The following DNAJC13 variants were observed in gnomAD, a reference collection of about 807,000 sequenced individuals.
The protein encoded by DNAJC13 is DnaJ heat shock protein family (Hsp40) member C13.
Under a neutral mutation model 290.5 loss-of-function variants are expected in DNAJC13, and 75 were observed. The observed-to-expected ratio is 0.26, with a 90% CI of 0.21 to 0.31. The LOEUF (loss-of-function observed/expected upper bound fraction) is 0.31, where lower values mean the gene tolerates loss of function less well. DNAJC13 is among the 10% of genes least tolerant of loss of function. The pLI, the probability that DNAJC13 is intolerant of heterozygous loss-of-function variation, is 1.00. For synonymous variants in DNAJC13, 862 were observed against 892.0 expected, an observed-to-expected ratio of 0.97 and a Z score of 0.60; for missense variants, 2,260 against 2,674.5, an observed-to-expected ratio of 0.85 and a Z score of 3.42.
chr3:132,486,657 A>G (rs1205805542), intron 29 of DNAJC13, among the ~76,000 whole-genome samples: 4 of 152,080 alleles, frequency 2.6e-5, no homozygotes, highest in East Asian at 1.9e-4. Flanking sequence ...AATTTTTTCT[A>G]TTCTGGGAGA....
intron 54 of DNAJC13, among the ~76,000 whole-genome samples, chr3:132,530,784 C>A (rs192186980): frequency 6.6e-6 from 1 of 152,188 alleles, no homozygotes; most frequent in South Asian, 2.1e-4. Flanking sequence ...TTCAGAGGGA[C>A]GACTGACTTG....
rs1230392967 is a variant in DNAJC13 at position 132,434,593 on chromosome 3, A to G, written c.43A>G (p.Thr15Ala). The G allele has an allele frequency of 4.3e-6, 7 of 1,610,830 alleles. No individual in the cohort carries two copies. Among genetic ancestry groups the G allele is most frequent in the Non-Finnish European group, 5.9e-6 (7 of 1,178,938 alleles). Reference sequence around the variant, plus strand: ...AAATAAGGATCTGGCATGTTTCTACACAACAAAACATTCATGGAGGGGGAA... The same window carrying G: ...AAATAAGGATCTGGCATGTTTCTACGCAACAAAACATTCATGGAGGGGGAA... ...RENKDLACFYTTKHSWRGKYK... is the reference protein window; with the variant it reads ...RENKDLACFYATKHSWRGKYK... The change falls in exon 2 of 56, where the codon ACA becomes GCA. Residue 15 changes from threonine to alanine, a missense_variant. Around this residue, in one of 3 missense-constraint regions of DNAJC13, gnomAD observed 762 missense variants for 964.1 expected, o/e 0.79. Coordinates refer to ENST00000260818, the MANE Select transcript of DNAJC13 (RefSeq NM_015268.4).
intron 54 of DNAJC13, among the ~76,000 whole-genome samples, chr3:132,529,255 C>G (rs1295554647): frequency 6.6e-6 from 1 of 152,276 alleles, no homozygotes; most frequent in Admixed American, 6.5e-5. Flanking sequence ...AAGCATCATC[C>G]ATGTTACCAA....
At chr3:132,493,844 T>TA (rs901136330) in intron 33 of DNAJC13, among the ~76,000 whole-genome samples, 47 of 151,140 alleles carry the variant, frequency 3.1e-4, no homozygotes, top group South Asian at 1.0e-3. Flanking sequence ...AGATAACATG[T>TA]AAAAAAAAAT....
Position 132,538,299 on chromosome 3 carries a change from A to C in DNAJC13, c.*17A>C. On this transcript the variant is annotated 3_prime_UTR_variant, in exon 56 of 56. Coordinates refer to ENST00000260818, the MANE Select transcript of DNAJC13 (RefSeq NM_015268.4). ...CAGACTTGAAATATTCACGAGAGAC[A>C]ATAAACGCTGAAAGGCCAGTGCCAA... 2 of 1,605,208 alleles carry C rather than the reference A, an allele frequency of 1.2e-6. No homozygotes were observed. The highest frequency in any genetic ancestry group is 1.7e-6 in the Non-Finnish European group (2 of 1,173,788).
chr3:132,511,375 G>A (rs1376470189), intron 44 of DNAJC13, 131 bp downstream of exon 44: 19 of 1,055,996 alleles, frequency 1.8e-5, no homozygotes, highest in Non-Finnish European at 2.4e-5. Flanking sequence ...AACATTACAG[G>A]GAATTGACCC....
At chr3:132,537,765 C>A (rs1188307064) in intron 55 of DNAJC13, among the ~76,000 whole-genome samples, 1 of 152,174 alleles carries the variant, frequency 6.6e-6, no homozygotes, top group African/African-American at 2.4e-5. Context: ...TGAGTGTTGA[C>A]AGAAGTGTTT....
rs1256629553 is a variant in DNAJC13, at chr3:132,512,996, C to G, written c.5294-12C>G. The G allele has an allele frequency of 6.2e-7, 1 of 1,606,024 alleles. No individual in the cohort carries two copies. On this transcript the variant is annotated splice_polypyrimidine_tract_variant and intron_variant, in intron 44 of 55. Coordinates refer to ENST00000260818, the MANE Select transcript of DNAJC13 (RefSeq NM_015268.4). Reference sequence around the variant, plus strand: ...TCTCCTGGAAGTAAACCATTTTATTCTTATTCTCTAGGTTCTGAGAGTGAA... The same window carrying G: ...TCTCCTGGAAGTAAACCATTTTATTGTTATTCTCTAGGTTCTGAGAGTGAA...
chr3:132,523,450 T>C (rs897541824), intron 50 of DNAJC13, 90 bp from the exon 51 acceptor site: 1 of 1,429,402 alleles, frequency 7.0e-7, no homozygotes, highest in East Asian at 2.3e-5. Context: ...TGTGGACTGG[T>C]TAACATTATA....
At chr3:132,439,552 A>C (rs1932981163) in intron 2 of DNAJC13, among the ~76,000 whole-genome samples, 1 of 152,144 alleles carries the variant, frequency 6.6e-6, no homozygotes, top group Non-Finnish European at 1.5e-5. Flanking sequence ...TCATCAGGCA[A>C]CCTGGGACTT....
At position 132,442,460 on chromosome 3, in the gene DNAJC13, T is replaced by C. The variant is rs76559990; in HGVS notation, c.69-4015T>C. ...AAAATATAAGCATCACCTTATCAAATCCAAAACTTGATTACATCCCCAGCT... is the reference window on the plus strand; with the variant it reads ...AAAATATAAGCATCACCTTATCAAACCCAAAACTTGATTACATCCCCAGCT... On this transcript the variant is annotated intron_variant, in intron 2 of 55. Transcript: ENST00000260818. Among the ~76,000 whole-genome samples the C allele has an allele frequency of 6.0e-3, 914 of 152,338 alleles. 8 individuals carry two copies. The highest frequency in any genetic ancestry group is 0.029 in the East Asian group (153 of 5,194).
chr3:132,436,047 G>A (rs898074440), intron 2 of DNAJC13, among the ~76,000 whole-genome samples: 2 of 152,140 alleles, frequency 1.3e-5, no homozygotes, highest in Middle Eastern at 3.4e-3. Context: ...ACAGCTTTAA[G>A]GCATAACTTA....
Position 132,482,249 on chromosome 3 carries a change from A to G in DNAJC13, c.2898A>G (p.Pro966=). The change falls in exon 27 of 56, where the codon CCA becomes CCG. Residue 966 remains proline, a synonymous_variant. Transcript: ENST00000260818. ...AGAGCAATGTAATTGAAGCTGCTCCAGATATGAAAAGAGAGAGTGAAAAGG... is the reference window on the plus strand; with the variant it reads ...AGAGCAATGTAATTGAAGCTGCTCCGGATATGAAAAGAGAGAGTGAAAAGG... ...PLQSNVIEAA[P]DMKRESEKEW... The G allele has an allele frequency of 6.2e-7, 1 of 1,613,580 alleles. No individual in the cohort carries two copies. Among genetic ancestry groups the G allele is most frequent in the Non-Finnish European group, 8.5e-7 (1 of 1,179,688 alleles).
chr3:132,499,289 C>T lies in DNAJC13; in HGVS notation c.4320C>T (p.Leu1440=). The T allele has an allele frequency of 6.2e-7, 1 of 1,609,226 alleles. No individual in the cohort carries two copies. The highest frequency in any genetic ancestry group is 8.5e-7 in the Non-Finnish European group (1 of 1,176,880). Residue 1440 remains leucine, a synonymous_variant, in exon 37 of 56, where the codon CTC becomes CTT. Coordinates refer to ENST00000260818, the MANE Select transcript of DNAJC13 (RefSeq NM_015268.4). ...GTTCAGCCCTCAATGCTGAAGAGCT[C>T]AGAAGAGAGAATGGACTAGAGGTAA... ...VNCSALNAEE[L]RRENGLEVLQ...
intron 44 of DNAJC13, among the ~76,000 whole-genome samples, chr3:132,511,474 C>T (rs1228160142): frequency 6.6e-6 from 1 of 152,058 alleles, no homozygotes; most frequent in Middle Eastern, 3.2e-3. Flanking sequence ...GAACATGTGT[C>T]TAAATGAGTT....
At chr3:132,500,726 T>G (rs1935380801) in intron 38 of DNAJC13, 68 bp from the exon 39 acceptor site, 1 of 1,594,472 alleles carries the variant, frequency 6.3e-7, no homozygotes, top group Non-Finnish European at 8.6e-7. Context: ...TGGTTTGATT[T>G]CTATGTGTTA....
intron 48 of DNAJC13, among the ~76,000 whole-genome samples, chr3:132,518,994 C>T (rs1231329018): frequency 6.6e-6 from 1 of 152,166 alleles, no homozygotes; most frequent in Non-Finnish European, 1.5e-5. Context: ...TATGTTGTAG[C>T]AAGTGTTAGT....
At chr3:132,532,004 A>G (rs2107755543) in intron 55 of DNAJC13, among the ~76,000 whole-genome samples, 1 of 152,330 alleles carries the variant, frequency 6.6e-6, no homozygotes, top group East Asian at 1.9e-4. Flanking sequence ...TCATTTTCAT[A>G]TAGGCTTCAA....
intron 43 of DNAJC13, among the ~76,000 whole-genome samples, chr3:132,507,929 T>C (rs1576508858): frequency 6.6e-6 from 1 of 152,216 alleles, no homozygotes; most frequent in South Asian, 2.1e-4. Context: ...GAAGGTTAAA[T>C]AGGCCGAAAG....
Sources: gnomAD v4.1 joint callset for allele counts (sites outside exome capture counted in the v4.1 genomes callset) on GRCh38, gnomAD v4.1.1 for gene constraint, gnomAD v4.1.1 regional missense constraint, MANE v1.5 for transcripts, NCBI Gene and HGNC (gene_info 2026-07-23, HGNC 2026-07-21) for gene names.